Variants in PRKG1 observed in about 807,000 individuals in gnomAD.
The protein encoded by PRKG1 is protein kinase cGMP-dependent 1.
In PRKG1, 35 loss-of-function variants were observed where a neutral mutation model predicts 88.1. The ratio of observed to expected loss-of-function variants is 0.40; its 90% CI spans 0.30 to 0.53. The LOEUF is 0.53. PRKG1 is among the 20% of genes least tolerant of loss of function. The pLI, the probability that PRKG1 is intolerant of heterozygous loss-of-function variation, is 0.59. For synonymous variants in PRKG1, 303 were observed against 292.5 expected, an observed-to-expected ratio of 1.04 and a Z score of -0.37; for missense variants, 540 against 839.8, an observed-to-expected ratio of 0.64 and a Z score of 4.41.
rs565896699 is a variant in PRKG1 at position 51,164,978 on chromosome 10, G to A, written c.478+11648G>A. ...AACCAAGTTGGAAAACACTCTGCAT[G>A]ATAGTATCCAGGAGAACTTCCCCAA... On this transcript the variant is annotated intron_variant, in intron 2 of 17. Coordinates refer to ENST00000373980, the MANE Select transcript of PRKG1 (RefSeq NM_006258.4). Among the ~76,000 whole-genome samples the A allele has an allele frequency of 4.6e-5, 7 of 152,306 alleles. No homozygotes were observed. In the South Asian group the frequency reaches 1.2e-3, roughly 27 times the overall value.
intron 2 of PRKG1, among the ~76,000 whole-genome samples, chr10:51,174,476 CTTAAAA>C (rs1837138523): frequency 6.6e-6 from 1 of 151,854 alleles, no homozygotes; most frequent in African/African-American, 2.4e-5. Flanking sequence ...GAAGTGAGAA[CTTAAAA>C]TTAAATAGGG....
intron 3 of PRKG1, chr10:51,697,970 C>T: frequency 1.2e-6 from 2 of 1,604,984 alleles, no homozygotes. Context: ...CCCCTGCATC[C>T]CTCCTCCTTG....
Position 52,251,584 on chromosome 10 carries a change from C to G in PRKG1, c.1091C>G (p.Ala364Gly). Residue 364 changes from alanine to glycine, a missense_variant, in exon 10 of 18, where the codon GCG becomes GGG. This residue lies in a region of PRKG1 where 400 missense variants were observed against 562.7 expected (regional missense o/e 0.71). Transcript: ENST00000373980. ...AEAKAKYEAE[A>G]AFFANLKLSD... ...AAAAAATCCAGATATGAAGCTGAAG[C>G]GGCTTTCTTCGCCAACCTGAAGCTG... The G allele has an allele frequency of 6.2e-7, 1 of 1,613,436 alleles. No homozygotes were observed. The highest frequency in any genetic ancestry group is 8.5e-7 in the Non-Finnish European group (1 of 1,179,554).
chr10:51,671,634 T>G (rs550262031), intron 3 of PRKG1, among the ~76,000 whole-genome samples: 6 of 151,606 alleles, frequency 4.0e-5, no homozygotes, highest in Admixed American at 2.6e-4. Flanking sequence ...TCACCCAGGC[T>G]GGAGTGCAGT....
chr10:51,585,959 C>T (rs1185758456), intron 3 of PRKG1, among the ~76,000 whole-genome samples: 3 of 152,036 alleles, frequency 2.0e-5, no homozygotes, highest in Non-Finnish European at 4.4e-5. Flanking sequence ...GAACGCTAGA[C>T]ACTGGGGACT....
chr10:52,036,697 A>G (rs1222698120), intron 5 of PRKG1, among the ~76,000 whole-genome samples: 1 of 152,116 alleles, frequency 6.6e-6, no homozygotes, highest in East Asian at 1.9e-4. Context: ...GTAGTCCAGG[A>G]ATAGTCAGGG....
intron 3 of PRKG1, among the ~76,000 whole-genome samples, chr10:51,592,157 G>A (rs1341555412): frequency 6.6e-6 from 1 of 152,128 alleles, no homozygotes; most frequent in African/African-American, 2.4e-5. Flanking sequence ...TTTGATTGAA[G>A]GTTATAGATG....
In PRKG1 at chr10:51,529,492, T is replaced by G. The variant is rs559556182; in HGVS notation, c.592+61656T>G. 2.6e-5 allele frequency among the ~76,000 whole-genome samples: 4 copies of G among 152,346 alleles called. No individual in the cohort carries two copies. In the South Asian group the frequency reaches 6.2e-4, roughly 24 times the overall value. On this transcript the variant is annotated intron_variant, in intron 3 of 17. Transcript: ENST00000373980. ...CTAACAATGTCACCTACCGCTCACC[T>G]GCTCACTTCTTTATAGCCAGACTCC...
intron 9 of PRKG1, among the ~76,000 whole-genome samples, chr10:52,246,667 G>A (rs771514871): frequency 7.9e-5 from 12 of 151,694 alleles, no homozygotes; most frequent in Non-Finnish European, 1.5e-4. Flanking sequence ...ACCTGAGGTC[G>A]GGAGTTCAAG....
chr10:51,770,409 T>G (rs962720167), intron 3 of PRKG1, among the ~76,000 whole-genome samples: 4 of 152,206 alleles, frequency 2.6e-5, no homozygotes, highest in Admixed American at 2.6e-4. Flanking sequence ...AGTTATTAAT[T>G]GATCTAGATC....
chr10:51,508,805 G>A (rs1841307216), intron 3 of PRKG1, among the ~76,000 whole-genome samples: 1 of 152,114 alleles, frequency 6.6e-6, no homozygotes, highest in Non-Finnish European at 1.5e-5. Context: ...CAAATTAGAA[G>A]GCATTTAATC....
chr10:51,887,544 G>T (rs1841603755), intron 4 of PRKG1, among the ~76,000 whole-genome samples: 1 of 152,164 alleles, frequency 6.6e-6, no homozygotes, highest in African/African-American at 2.4e-5. Flanking sequence ...CAGTGTATAA[G>T]AGTTCTAATT....
intron 5 of PRKG1, among the ~76,000 whole-genome samples, chr10:51,914,705 T>C (rs1842300001): frequency 6.6e-6 from 1 of 152,218 alleles, no homozygotes; most frequent in Admixed American, 6.5e-5. Context: ...CTCTCTACCT[T>C]TGATTTGCAA....
intron 2 of PRKG1, among the ~76,000 whole-genome samples, chr10:51,437,372 T>C (rs1588957054): frequency 6.6e-6 from 1 of 151,990 alleles, no homozygotes; most frequent in East Asian, 1.9e-4. Flanking sequence ...GGCAAACATC[T>C]TTAAGTTGAC....
intron 3 of PRKG1, among the ~76,000 whole-genome samples, chr10:51,776,575 A>G (rs1838442716): frequency 1.3e-5 from 2 of 152,188 alleles, no homozygotes; most frequent in South Asian, 2.1e-4. Context: ...CTGTAAACCC[A>G]GTACTTTGCA....
At chr10:51,713,098 A>G (rs1008536507) in intron 3 of PRKG1, among the ~76,000 whole-genome samples, 2 of 152,198 alleles carry the variant, frequency 1.3e-5, no homozygotes, top group Non-Finnish European at 2.9e-5. Flanking sequence ...AAGGAAAATC[A>G]TTAACTCCTA....
chr10:51,044,364 C>T (rs1843461802), intron 1 of PRKG1, among the ~76,000 whole-genome samples: 1 of 151,894 alleles, frequency 6.6e-6, no homozygotes, highest in South Asian at 2.1e-4. Flanking sequence ...ATGGGAGATG[C>T]CAGAATTGTG....
chr10:51,426,244 G>A (rs1348594366), intron 2 of PRKG1, among the ~76,000 whole-genome samples: 6 of 152,128 alleles, frequency 3.9e-5, no homozygotes, highest in Non-Finnish European at 8.8e-5. Context: ...TCATGCGACT[G>A]TACTCCAGCC....
At chr10:52,013,082 T>C (rs16925715) in intron 5 of PRKG1, among the ~76,000 whole-genome samples, 38,171 of 152,100 alleles carry the variant, frequency 0.25, 5,178 homozygotes, top group Admixed American at 0.32. Flanking sequence ...ATAATTCTAA[T>C]GTAAAGCAGG....
Sources: allele counts gnomAD v4.1 joint callset (sites outside exome capture counted in the v4.1 genomes callset), GRCh38; gene constraint gnomAD v4.1.1; regional missense constraint gnomAD v4.1.1; transcripts MANE v1.5; gene names NCBI Gene and HGNC (gene_info 2026-07-23, HGNC 2026-07-21).